Variants in ELMO1 observed in about 807,000 individuals in gnomAD.
ELMO1 encodes engulfment and cell motility protein 1.
Under a neutral mutation model 98.9 loss-of-function variants are expected in ELMO1, and 26 were observed. That is an observed-to-expected ratio of 0.26 (90% CI 0.19 to 0.36). ELMO1 has a LOEUF of 0.36. Ranked by LOEUF, ELMO1 falls within the 10% of genes least tolerant of loss-of-function variation. ELMO1 has a pLI of 1.00. For missense variants in ELMO1, 627 were observed against 935.2 expected, an observed-to-expected ratio of 0.67 and a Z score of 4.30; for synonymous variants, 346 against 346.0, an observed-to-expected ratio of 1.00 and a Z score of 0.00.
intron 16 of ELMO1, among the ~76,000 whole-genome samples, chr7:36,992,855 C>G (rs1205054100): frequency 6.6e-6 from 1 of 152,178 alleles, no homozygotes. Flanking sequence ...AATGGTTAGA[C>G]ATTTCATGCC....
chr7:36,882,220 T>C (rs992778032), intron 18 of ELMO1, among the ~76,000 whole-genome samples: 2 of 152,222 alleles, frequency 1.3e-5, no homozygotes, highest in South Asian at 4.1e-4. Context: ...TTCTAAAAGA[T>C]GTCTTTAGAA....
At chr7:37,313,349 C>T (rs35589157) in intron 4 of ELMO1, among the ~76,000 whole-genome samples, 8,613 of 152,188 alleles carry the variant, frequency 0.057, 339 homozygotes, top group Middle Eastern at 0.1. Flanking sequence ...CTCAGCTTCC[C>T]GAACAGCTTG....
At chr7:37,291,244 CA>C (rs1427611421) in intron 4 of ELMO1, among the ~76,000 whole-genome samples, 1 of 152,106 alleles carries the variant, frequency 6.6e-6, no homozygotes, top group Non-Finnish European at 1.5e-5. Flanking sequence ...ATATGAAAAT[CA>C]AAACTTTCTA....
chr7:36,903,476 A>G (rs1783732824), intron 16 of ELMO1, among the ~76,000 whole-genome samples: 1 of 152,206 alleles, frequency 6.6e-6, no homozygotes, highest in Admixed American at 6.5e-5. Context: ...TAATTTATGA[A>G]TAATGGGCTC....
chr7:37,243,385 G>A (rs181531625), intron 7 of ELMO1, among the ~76,000 whole-genome samples: 2 of 152,290 alleles, frequency 1.3e-5, no homozygotes, highest in East Asian at 1.9e-4. Context: ...TTGGAGTAAT[G>A]AGTGTAAACA....
intron 15 of ELMO1, among the ~76,000 whole-genome samples, chr7:37,084,470 G>A (rs1022572962): frequency 2.6e-5 from 4 of 152,190 alleles, no homozygotes; most frequent in African/African-American, 7.2e-5. Flanking sequence ...CAGTCTGTAA[G>A]GAAGACAGGA....
chr7:37,344,033 A>ATT (rs10626425), intron 1 of ELMO1, among the ~76,000 whole-genome samples: 2,535 of 134,544 alleles, frequency 0.019, 164 homozygotes, highest in African/African-American at 0.063. Flanking sequence ...AAAAGGCAGC[A>ATT]TTTTTTTTTT....
intron 16 of ELMO1, among the ~76,000 whole-genome samples, chr7:36,937,550 A>G (rs1472154791): frequency 6.6e-6 from 1 of 152,212 alleles, no homozygotes; most frequent in Non-Finnish European, 1.5e-5. Flanking sequence ...CATTGGTAGT[A>G]CTTTGTTACA....
intron 15 of ELMO1, among the ~76,000 whole-genome samples, chr7:37,055,100 G>A (rs757635375): frequency 1.3e-5 from 2 of 152,132 alleles, no homozygotes; most frequent in African/African-American, 4.8e-5. Context: ...GTCAAAAAGC[G>A]GTTGTGACTC....
chr7:36,875,326 T>C (rs899024166), intron 19 of ELMO1, among the ~76,000 whole-genome samples: 1 of 152,124 alleles, frequency 6.6e-6, no homozygotes, highest in Non-Finnish European at 1.5e-5. Context: ...AGTATACCCA[T>C]TTCTCTAGCA....
At chr7:36,919,545 A>G in intron 16 of ELMO1, 1 of 373,670 alleles carries the variant, frequency 2.7e-6, no homozygotes, top group South Asian at 2.0e-5. Flanking sequence ...AATGGCATCA[A>G]CCTTGCTGGG....
intron 1 of ELMO1, among the ~76,000 whole-genome samples, chr7:37,445,050 A>G (rs766959597): frequency 1.2e-4 from 18 of 152,206 alleles, no homozygotes; most frequent in African/African-American, 1.7e-4. Flanking sequence ...ACCTACACTG[A>G]GCAATACTTT....
chr7:36,957,753 G>A (rs911162713), intron 16 of ELMO1, among the ~76,000 whole-genome samples: 3 of 152,120 alleles, frequency 2.0e-5, no homozygotes, highest in African/African-American at 7.2e-5. Flanking sequence ...AAACAACAAG[G>A]AAGATGCCCC....
intron 16 of ELMO1, among the ~76,000 whole-genome samples, chr7:36,955,199 A>C (rs1788342715): frequency 6.6e-6 from 1 of 152,132 alleles, no homozygotes; most frequent in Admixed American, 6.5e-5. Flanking sequence ...GTAGCTCCTA[A>C]CTGGTCACAC....
intron 13 of ELMO1, among the ~76,000 whole-genome samples, chr7:37,175,979 T>C (rs1255605421): frequency 6.6e-6 from 1 of 152,214 alleles, no homozygotes; most frequent in African/African-American, 2.4e-5. Flanking sequence ...CTGAAAATGA[T>C]TTTCACAGCA....
At chr7:37,331,101 C>T (rs1451757762) in intron 2 of ELMO1, among the ~76,000 whole-genome samples, 1 of 151,880 alleles carries the variant, frequency 6.6e-6, no homozygotes, top group Non-Finnish European at 1.5e-5. Flanking sequence ...CTGGAATTTT[C>T]CATTTAACAT....
At chr7:37,161,774 C>T (rs1202167248) in intron 13 of ELMO1, among the ~76,000 whole-genome samples, 1 of 150,132 alleles carries the variant, frequency 6.7e-6, no homozygotes, top group Non-Finnish European at 1.5e-5. Context: ...AAGAAAATGG[C>T]TAGGTACACT....
intron 8 of ELMO1, among the ~76,000 whole-genome samples, chr7:37,228,474 G>A (rs914101081): frequency 1.3e-5 from 2 of 152,248 alleles, no homozygotes; most frequent in East Asian, 1.9e-4. Context: ...ACAGCTTCTC[G>A]AAAGTAGGCC....
chr7:37,174,522 C>T (rs375966445), intron 13 of ELMO1, among the ~76,000 whole-genome samples: 1 of 152,188 alleles, frequency 6.6e-6, no homozygotes. Flanking sequence ...AGCTTCAGAA[C>T]TCATCAGCCA....
Sources: allele counts gnomAD v4.1 joint callset (sites outside exome capture counted in the v4.1 genomes callset), GRCh38; gene constraint gnomAD v4.1.1; transcripts MANE v1.5; gene names NCBI Gene and HGNC (gene_info 2026-07-23, HGNC 2026-07-21).